RHBDD1: variants seen among roughly 807,000 people sequenced by gnomAD.
The protein encoded by RHBDD1 is rhomboid-related protein 4.
A neutral mutation model predicts 36.3 loss-of-function variants in RHBDD1; 38 were observed. The ratio of observed to expected loss-of-function variants is 1.05; its 90% confidence interval spans 0.81 to 1.37. The LOEUF (loss-of-function observed/expected upper bound fraction) is 1.37. Ranked by LOEUF, RHBDD1 falls within the 40% of genes most tolerant of loss-of-function variation. RHBDD1 has a pLI of 0.00. For synonymous variants in RHBDD1, 151 were observed against 136.5 expected, an observed-to-expected ratio of 1.11 and a Z score of -0.74; for missense variants, 393 against 377.6, an observed-to-expected ratio of 1.04 and a Z score of -0.34.
At chr2:226,866,983 T>C (rs1192880156) in intron 4 of RHBDD1, among the ~76,000 whole-genome samples, 7 of 152,230 alleles carry the variant, frequency 4.6e-5, no homozygotes, top group Non-Finnish European at 8.8e-5. Context: ...TATGAACTTC[T>C]ATATTTAGAA....
At chr2:226,814,815 A>G in the RHBDD1 span, among the ~76,000 whole-genome samples, 1 of 152,228 alleles carries the variant, frequency 6.6e-6, no homozygotes, top group Admixed American at 6.5e-5. Flanking sequence ...TACTCACAGA[A>G]AAAGCATTAG....
chr2:226,801,170 C>T, the RHBDD1 span, among the ~76,000 whole-genome samples: 3 of 152,196 alleles, frequency 2.0e-5, no homozygotes, highest in Non-Finnish European at 4.4e-5. Flanking sequence ...GGGCACTCAG[C>T]AGTCGAGGCG....
At chr2:226,869,842 A>G (rs1365423508) in intron 5 of RHBDD1, among the ~76,000 whole-genome samples, 2 of 152,150 alleles carry the variant, frequency 1.3e-5, no homozygotes, top group African/African-American at 2.4e-5. Context: ...GATAGGTGAT[A>G]GTGTCTGAAG....
At chr2:226,934,477 A>T (rs1950217619) in intron 8 of RHBDD1, among the ~76,000 whole-genome samples, 1 of 152,164 alleles carries the variant, frequency 6.6e-6, no homozygotes, top group African/African-American at 2.4e-5. Context: ...TGAAAAATCA[A>T]GGTAGCTAGC....
At chr2:226,889,824 A>G (rs1946543158) in intron 5 of RHBDD1, among the ~76,000 whole-genome samples, 1 of 152,194 alleles carries the variant, frequency 6.6e-6, no homozygotes, top group Non-Finnish European at 1.5e-5. Context: ...TTCTTTCAGC[A>G]CACTTTTTTG....
intron 5 of RHBDD1, among the ~76,000 whole-genome samples, chr2:226,886,689 A>C (rs1351721902): frequency 6.6e-6 from 1 of 152,250 alleles, no homozygotes; most frequent in East Asian, 1.9e-4. Flanking sequence ...AAGAAAAGGC[A>C]AAACAATAGT....
the RHBDD1 span, among the ~76,000 whole-genome samples, chr2:226,807,864 C>G: frequency 2.1e-4 from 32 of 152,194 alleles, no homozygotes; most frequent in Non-Finnish European, 4.0e-4. Context: ...CTTTGGGAGG[C>G]CGAGGCGGGC....
chr2:226,868,077 A>G (rs1332795523), intron 5 of RHBDD1, among the ~76,000 whole-genome samples: 1 of 152,196 alleles, frequency 6.6e-6, no homozygotes, highest in Non-Finnish European at 1.5e-5. Flanking sequence ...CTTTTTAAAC[A>G]AAAGGCTTTA....
In RHBDD1 at chr2:226,864,887, G is replaced by A; in HGVS notation, c.194G>A (p.Trp65Ter). The change falls in exon 4 of 9, where the codon TGG (tryptophan) becomes TAG (stop). Residue 65 changes from tryptophan (W) to a stop codon, truncating the protein, a stop_gained. Coordinates refer to ENST00000392062, the MANE Select transcript of RHBDD1 (RefSeq NM_001167608.3). LOFTEE classifies it high-confidence loss of function. ...GAGAAGTGTTACCAGCAAAAAGACT[G>A]GCAGCGTTTACTGCTCTCTCCCCTT... ...SVEKCYQQKDWQRLLLSPLHH... is the reference protein window; with the variant it reads ...SVEKCYQQKD 2 of 1,614,164 alleles carry A rather than the reference G, an allele frequency of 1.2e-6. No homozygotes were observed. The highest frequency in any genetic ancestry group is 1.7e-6 in the Non-Finnish European group (2 of 1,180,048).
chr2:226,826,110 G>C, the RHBDD1 span, among the ~76,000 whole-genome samples: 13 of 152,254 alleles, frequency 8.5e-5, no homozygotes, highest in East Asian at 2.5e-3. Context: ...AGGAGATCTG[G>C]CTTATTTATC....
intron 5 of RHBDD1, among the ~76,000 whole-genome samples, chr2:226,881,259 A>G (rs1421405097): frequency 6.6e-6 from 1 of 152,212 alleles, no homozygotes; most frequent in East Asian, 1.9e-4. Flanking sequence ...TGAGGCTTAC[A>G]GTTCAAGATG....
At chr2:226,921,243 T>C (rs745913401) in intron 8 of RHBDD1, among the ~76,000 whole-genome samples, 49 of 152,232 alleles carry the variant, frequency 3.2e-4, no homozygotes, top group Non-Finnish European at 5.0e-4. Flanking sequence ...TCTTCTCTCT[T>C]TTTTCTTAGC....
chr2:226,877,927 T>C (rs962130016), intron 5 of RHBDD1, among the ~76,000 whole-genome samples: 1 of 152,230 alleles, frequency 6.6e-6, no homozygotes, highest in African/African-American at 2.4e-5. Context: ...CATCAGCAGT[T>C]GTCTTCTTGC....
chr2:226,979,093 C>T (rs1422861444), intron 8 of RHBDD1, among the ~76,000 whole-genome samples: 1 of 152,146 alleles, frequency 6.6e-6, no homozygotes, highest in Non-Finnish European at 1.5e-5. Context: ...ATTCGTGTGG[C>T]TCATTCCCAG....
chr2:226,903,857 C>G (rs1378955593), intron 5 of RHBDD1, among the ~76,000 whole-genome samples: 2 of 152,110 alleles, frequency 1.3e-5, no homozygotes, highest in African/African-American at 4.8e-5. Context: ...AACAGAAGAG[C>G]AGAAGAATAG....
intron 5 of RHBDD1, among the ~76,000 whole-genome samples, chr2:226,903,524 T>TG (rs1183559124): frequency 1.3e-5 from 2 of 152,098 alleles, no homozygotes; most frequent in Admixed American, 1.3e-4. Flanking sequence ...CTGCAGATAA[T>TG]GGGGGGTGAC....
upstream of RHBDD1, among the ~76,000 whole-genome samples, chr2:226,834,499 C>A (rs1238119111): frequency 6.6e-6 from 1 of 152,202 alleles, no homozygotes; most frequent in African/African-American, 2.4e-5. Flanking sequence ...TCTTCTTTGT[C>A]ACTTGAAAGT....
At chr2:226,902,923 A>G (rs1397834458) in intron 5 of RHBDD1, among the ~76,000 whole-genome samples, 1 of 152,226 alleles carries the variant, frequency 6.6e-6, no homozygotes, top group African/African-American at 2.4e-5. Flanking sequence ...ATGAGATTCA[A>G]GATTAATTGT....
At chr2:226,862,953 C>T (rs564873040) in intron 3 of RHBDD1, among the ~76,000 whole-genome samples, 118 of 152,310 alleles carry the variant, frequency 7.7e-4, no homozygotes, top group African/African-American at 2.8e-3. Flanking sequence ...AGAACTCACT[C>T]ATCCCCTGAC....
Sources: allele counts gnomAD v4.1 joint callset (sites outside exome capture counted in the v4.1 genomes callset), GRCh38; gene constraint gnomAD v4.1.1; transcripts MANE v1.5; gene names NCBI Gene and HGNC (gene_info 2026-07-23, HGNC 2026-07-21).